The following TMEM108 variants were observed in gnomAD, a reference collection of about 807,000 sequenced individuals.
TMEM108 encodes transmembrane protein 108.
Under a neutral mutation model 35.1 loss-of-function variants are expected in TMEM108, and 12 were observed. That is an observed-to-expected ratio of 0.34 (90% CI 0.22 to 0.55). The LOEUF (loss-of-function observed/expected upper bound fraction) is 0.55, where lower values mean the gene tolerates loss of function less well. Among genes scored for constraint, TMEM108 ranks in the 20% least tolerant of loss-of-function variants. The probability of loss-of-function intolerance (pLI) is 0.89; values close to 1 mark genes in which losing one functional copy is unlikely to be tolerated. For synonymous variants in TMEM108, 287 were observed against 308.6 expected (o/e 0.93, Z 0.73); for missense variants, 680 against 753.3 (o/e 0.90, Z 1.14).
intron 3 of TMEM108, among the ~76,000 whole-genome samples, chr3:133,360,317 CT>C (rs1285602719): frequency 6.6e-6 from 1 of 152,028 alleles, no homozygotes; most frequent in Non-Finnish European, 1.5e-5. Flanking sequence ...AATCTGTGCA[CT>C]TAAAATGGTG....
intron 2 of TMEM108, among the ~76,000 whole-genome samples, chr3:133,187,051 C>T (rs934985512): frequency 6.6e-6 from 1 of 152,080 alleles, no homozygotes; most frequent in Non-Finnish European, 1.5e-5. Context: ...GATTGTAAGC[C>T]CTTCACAGTT....
intron 3 of TMEM108, among the ~76,000 whole-genome samples, chr3:133,245,682 G>A (rs892783855): frequency 3.9e-5 from 6 of 152,200 alleles, no homozygotes; most frequent in African/African-American, 1.4e-4. Context: ...GGAATGAACT[G>A]GACAGAGGAA....
chr3:133,346,818 G>A lies in TMEM108; in HGVS notation c.41-32934G>A, dbSNP rs918293916. Among the ~76,000 whole-genome samples, 1 of 152,036 alleles carries A rather than the reference G, an allele frequency of 6.6e-6. No individual in the cohort carries two copies. Among genetic ancestry groups the A allele is most frequent in the African/African-American group, 2.4e-5 (1 of 41,438 alleles). ...TGACCCATGTTGAGTTAATTTTTGT[G>A]AAAGATGTTAGCTCTTTGTCTAGAT... On this transcript the variant is annotated intron_variant, in intron 3 of 5. Coordinates refer to ENST00000321871, the MANE Select transcript of TMEM108 (RefSeq NM_023943.4). The surrounding 1 kb of genome is among the most constrained non-coding windows in gnomAD (Gnocchi z 4.0).
intron 4 of TMEM108, chr3:133,389,689 A>G (rs1006985863): frequency 7.3e-6 from 1 of 136,436 alleles, no homozygotes; most frequent in Non-Finnish European, 1.5e-5. Context: ...CCATCAAAAA[A>G]AAAAAAAAAA....
At chr3:133,045,317 T>C (rs949792161) in intron 1 of TMEM108, among the ~76,000 whole-genome samples, 1 of 152,150 alleles carries the variant, frequency 6.6e-6, no homozygotes. Flanking sequence ...ATTTTACAGT[T>C]GAGGAAACTG....
At position 133,266,937 on chromosome 3, in the gene TMEM108, G is replaced by A. The variant is rs554551235; in HGVS notation, c.40+37586G>A. ...AATCCAAAAAAAAAAAAAAAAAGCC[G>A]GGCGTGGTGGCAGGTGCCTGTAGAC... On this transcript the variant is annotated intron_variant, in intron 3 of 5. Transcript: ENST00000321871. Among the ~76,000 whole-genome samples the A allele has an allele frequency of 6.6e-3, 899 of 137,044 alleles. 11 individuals are homozygous for A. The highest frequency in any genetic ancestry group is 0.023 in the African/African-American group (836 of 35,978). The allele number at this position is 137,044 out of a possible 152,430, so 89.9% of individuals were successfully genotyped here.
intron 1 of TMEM108, among the ~76,000 whole-genome samples, chr3:133,041,560 CTG>C (rs1200314693): frequency 6.6e-6 from 1 of 152,152 alleles, no homozygotes; most frequent in African/African-American, 2.4e-5. Flanking sequence ...AAAGCCATAA[CTG>C]TTTACATAAG....
chr3:133,135,724 A>G (rs1258009995), intron 2 of TMEM108, among the ~76,000 whole-genome samples: 1 of 152,228 alleles, frequency 6.6e-6, no homozygotes, highest in Non-Finnish European at 1.5e-5. Context: ...AGAAGAAAAG[A>G]AATTTTAAAA....
At chr3:133,321,042 C>T (rs747360279) in intron 3 of TMEM108, among the ~76,000 whole-genome samples, 3 of 152,068 alleles carry the variant, frequency 2.0e-5, no homozygotes, top group Non-Finnish European at 4.4e-5. Context: ...GACACAAAAC[C>T]TTAAAATACA....
chr3:133,346,465 A>G lies in TMEM108; in HGVS notation c.41-33287A>G, dbSNP rs1202273254. 2.0e-5 allele frequency among the ~76,000 whole-genome samples: 3 copies of G among 151,962 alleles called. No homozygotes were observed. Among genetic ancestry groups the G allele is most frequent in the Non-Finnish European group, 4.4e-5 (3 of 67,890 alleles). ...CTTATTGGCTATCTGTATTATCTTC[A>G]TTGGTGAGGTATCTGTTCAGATCTC... On this transcript the variant is annotated intron_variant, in intron 3 of 5. Coordinates refer to ENST00000321871, the MANE Select transcript of TMEM108 (RefSeq NM_023943.4). The surrounding 1 kb of genome is among the most constrained non-coding windows in gnomAD (Gnocchi z 4.0).
chr3:133,107,498 A>G (rs1049763606), intron 2 of TMEM108, among the ~76,000 whole-genome samples: 35 of 112,326 alleles, frequency 3.1e-4, no homozygotes, highest in African/African-American at 1.1e-3. Context: ...GTGTGTGTGT[A>G]TAAAATGATT....
intron 2 of TMEM108, among the ~76,000 whole-genome samples, chr3:133,204,805 T>A (rs1945727011): frequency 6.6e-6 from 1 of 152,218 alleles, no homozygotes; most frequent in South Asian, 2.1e-4. Context: ...GTTCTGTAGA[T>A]GTCTGTTAGG....
At chr3:133,350,802 A>T (rs2071972050) in intron 3 of TMEM108, among the ~76,000 whole-genome samples, 1 of 152,132 alleles carries the variant, frequency 6.6e-6, no homozygotes, top group South Asian at 2.1e-4. Context: ...AACACCAAGC[A>T]TTGTATACAA....
At chr3:133,222,160 A>G (rs1946001571) in intron 2 of TMEM108, among the ~76,000 whole-genome samples, 1 of 151,910 alleles carries the variant, frequency 6.6e-6, no homozygotes, top group African/African-American at 2.4e-5. Context: ...TCTCTTCTTT[A>G]TTTCAGAAGG....
intron 2 of TMEM108, among the ~76,000 whole-genome samples, chr3:133,075,709 T>C (rs909302461): frequency 6.6e-6 from 1 of 152,120 alleles, no homozygotes; most frequent in Admixed American, 6.5e-5. Flanking sequence ...TATCTTATTG[T>C]GGTTTTGATC....
chr3:133,343,280 A>G (rs1190181397), intron 3 of TMEM108, among the ~76,000 whole-genome samples: 1 of 151,910 alleles, frequency 6.6e-6, no homozygotes, highest in Admixed American at 6.6e-5. Context: ...AGAAATGATG[A>G]TACAATCACT....
chr3:133,354,852 A>G (rs1174514077), intron 3 of TMEM108, among the ~76,000 whole-genome samples: 4 of 150,084 alleles, frequency 2.7e-5, no homozygotes, highest in Non-Finnish European at 5.9e-5. Flanking sequence ...TCCTTTACAC[A>G]TTCCTTTGGC....
chr3:133,127,639 C>A (rs556867371), intron 2 of TMEM108, among the ~76,000 whole-genome samples: 1 of 152,334 alleles, frequency 6.6e-6, no homozygotes, highest in African/African-American at 2.4e-5. Flanking sequence ...CAGTCTGCCT[C>A]CCTCAGGCTC....
At position 133,359,439 on chromosome 3, in the gene TMEM108, A is replaced by C. The variant is rs74923370; in HGVS notation, c.41-20313A>C. Among the ~76,000 whole-genome samples the C allele has an allele frequency of 7.2e-3, 1,099 of 152,304 alleles. 15 individuals carry two copies. Among genetic ancestry groups the C allele is most frequent in the African/African-American group, 0.024 (1,018 of 41,564 alleles). On this transcript the variant is annotated intron_variant, in intron 3 of 5. Coordinates refer to ENST00000321871, the MANE Select transcript of TMEM108 (RefSeq NM_023943.4). ...ACACACTTTGGGAAATGGCTCTTTA[A>C]CAATAGCCAAGATACATTGTTAAGT...
Sources: gnomAD v4.1 joint callset for allele counts (sites outside exome capture counted in the v4.1 genomes callset) on GRCh38, gnomAD v4.1.1 for gene constraint, Gnocchi (gnomAD v3.1) non-coding constraint, MANE v1.5 for transcripts, NCBI Gene and HGNC (gene_info 2026-07-23, HGNC 2026-07-21) for gene names.